The following STS variants were observed in gnomAD, a reference collection of about 807,000 sequenced individuals.
STS encodes steryl-sulfatase.
STS carries 7 observed loss-of-function variants against 26.8 expected under a neutral mutation model. That is an observed-to-expected ratio of 0.26 (90% CI 0.15 to 0.49). The LOEUF (loss-of-function observed/expected upper bound fraction) is 0.49. STS is among the 20% of genes least tolerant of loss of function. The pLI is 0.98. For synonymous variants in STS, 199 were observed against 189.4 expected (o/e 1.05, Z -0.42); for missense variants, 434 against 465.6 (o/e 0.93, Z 0.63).
intron 2 of STS, among the ~76,000 whole-genome samples, chrX:7,235,515 G>A (rs755320052): frequency 8.0e-5 from 9 of 112,088 alleles, no homozygotes; most frequent in Non-Finnish European, 1.5e-4. Flanking sequence ...GTTCACGCCT[G>A]TAATCTCAGC....
At chrX:7,309,307 C>T (rs965241256) in intron 8 of STS, among the ~76,000 whole-genome samples, 2 of 110,724 alleles carry the variant, frequency 1.8e-5, no homozygotes, top group Admixed American at 9.7e-5. Context: ...AATCAAATAC[C>T]ACATGTTCTC....
In STS at chrX:7,349,871, A is replaced by G; in HGVS notation, c.1364-17A>G. 1 of 1,211,578 alleles carries G rather than the reference A, an allele frequency of 8.3e-7. No homozygotes were observed. The highest frequency in any genetic ancestry group is 1.7e-5 in the African/African-American group (1 of 57,816). On this transcript the variant is annotated splice_polypyrimidine_tract_variant and intron_variant, in intron 10 of 10. Coordinates refer to ENST00000674429, the MANE Select transcript of STS (RefSeq NM_001320752.2). ...ATGCTTCATACCTAATGCCGTTTCC[A>G]TCCTTTTAAACCACAGGCACATCCA...
At chrX:7,240,463 G>A (rs1009495114) in intron 2 of STS, among the ~76,000 whole-genome samples, 7 of 70,500 alleles carry the variant, frequency 9.9e-5, no homozygotes, top group African/African-American at 2.0e-4. Context: ...AGGAGCGCGC[G>A]CGCACACACA....
intron 1 of STS, among the ~76,000 whole-genome samples, chrX:7,179,930 C>T (rs1344789933): frequency 2.7e-5 from 3 of 111,824 alleles, no homozygotes; most frequent in Non-Finnish European, 5.6e-5. Flanking sequence ...TGTTCTTAAT[C>T]ACAAAAACTG....
At chrX:7,199,666 A>G (rs1934033030) in intron 2 of STS, among the ~76,000 whole-genome samples, 1 of 111,346 alleles carries the variant, frequency 9.0e-6, no homozygotes, top group Non-Finnish European at 1.9e-5. Context: ...TCATCTGTCA[A>G]CTTTATTTAT....
At chrX:7,198,069 C>A (rs1323173553) in intron 2 of STS, among the ~76,000 whole-genome samples, 1 of 111,797 alleles carries the variant, frequency 8.9e-6, no homozygotes, top group African/African-American at 3.3e-5. Context: ...TGTAACCCCC[C>A]CAATGGATTA....
intron 2 of STS, among the ~76,000 whole-genome samples, chrX:7,249,864 A>G (rs1923053304): frequency 9.0e-6 from 1 of 111,262 alleles, no homozygotes; most frequent in Admixed American, 9.6e-5. Flanking sequence ...TTGTTATATG[A>G]TCTCAAGCCA....
chrX:7,209,793 A>G (rs1569190305), intron 2 of STS, among the ~76,000 whole-genome samples: 1 of 109,253 alleles, frequency 9.2e-6, no homozygotes, highest in African/African-American at 3.3e-5. Flanking sequence ...ACCCCCAAAT[A>G]GGCCCTGGTG....
chrX:7,248,848 TTAAA>T (rs1923009653), intron 2 of STS, among the ~76,000 whole-genome samples: 1 of 111,285 alleles, frequency 9.0e-6, no homozygotes, highest in African/African-American at 3.3e-5. Context: ...TCTGTATCTA[TTAAA>T]TAATTATTCC....
At chrX:7,263,347 G>A (rs973014465) in intron 6 of STS, among the ~76,000 whole-genome samples, 6 of 112,728 alleles carry the variant, frequency 5.3e-5, no homozygotes, top group African/African-American at 1.9e-4. Flanking sequence ...GGGATTACAG[G>A]CATGAGCCAC....
At chrX:7,231,194 T>C (rs1922042274) in intron 2 of STS, among the ~76,000 whole-genome samples, 1 of 111,436 alleles carries the variant, frequency 9.0e-6, no homozygotes. Flanking sequence ...GAGAGAGGAA[T>C]GAGGAGTGAC....
chrX:7,246,548 C>T (rs748014987), intron 2 of STS, among the ~76,000 whole-genome samples: 6 of 111,011 alleles, frequency 5.4e-5, no homozygotes, highest in Non-Finnish European at 9.5e-5. Flanking sequence ...CATCGTGATC[C>T]GCCCGCCTCG....
At chrX:7,314,817 A>G (rs968329069) in intron 8 of STS, among the ~76,000 whole-genome samples, 1 of 112,052 alleles carries the variant, frequency 8.9e-6, no homozygotes, top group African/African-American at 3.2e-5. Flanking sequence ...CCGGGACAGC[A>G]AAGAGGTGGG....
At chrX:7,337,944 C>G (rs1437242682) in intron 10 of STS, among the ~76,000 whole-genome samples, 1 of 112,130 alleles carries the variant, frequency 8.9e-6, no homozygotes, top group African/African-American at 3.2e-5. Context: ...GCTAGGATTT[C>G]ATTTCCACCC....
chrX:7,225,871 A>G (rs1432518374), intron 2 of STS, among the ~76,000 whole-genome samples: 3 of 112,155 alleles, frequency 2.7e-5, no homozygotes, highest in African/African-American at 9.7e-5. Context: ...CTCTGTCACC[A>G]TGAAGTCCTA....
intron 6 of STS, among the ~76,000 whole-genome samples, chrX:7,267,534 G>A (rs1304182936): frequency 1.1e-4 from 12 of 112,069 alleles, no homozygotes; most frequent in African/African-American, 3.2e-4. Flanking sequence ...ACTCTGCTTT[G>A]TGAAAAAACA....
intron 2 of STS, among the ~76,000 whole-genome samples, chrX:7,248,587 G>A (rs767761162): frequency 4.0e-4 from 45 of 111,964 alleles, no homozygotes; most frequent in Non-Finnish European, 6.8e-4. Context: ...ACTCAATACC[G>A]GTGGGTCAGA....
intron 2 of STS, among the ~76,000 whole-genome samples, chrX:7,246,595 C>A (rs1360668987): frequency 1.8e-5 from 2 of 111,442 alleles, no homozygotes; most frequent in Non-Finnish European, 3.8e-5. Flanking sequence ...CGTGAGCCAC[C>A]GCGCCCGGCC....
intron 10 of STS, among the ~76,000 whole-genome samples, chrX:7,339,191 C>G (rs1928171228): frequency 8.9e-6 from 1 of 112,024 alleles, no homozygotes; most frequent in Non-Finnish European, 1.9e-5. Context: ...CTTTCATCAT[C>G]ACTAGTAATT....
Sources: gnomAD v4.1 joint callset for allele counts (sites outside exome capture counted in the v4.1 genomes callset) on GRCh38, gnomAD v4.1.1 for gene constraint, MANE v1.5 for transcripts, NCBI Gene and HGNC (gene_info 2026-07-23, HGNC 2026-07-21) for gene names.